RAPGEF6: variants seen among roughly 807,000 people sequenced by gnomAD.
The protein encoded by RAPGEF6 is PDZ domain containing guanine nucleotide exchange factor (GEF) 2.
In RAPGEF6, 56 loss-of-function variants were observed where a neutral mutation model predicts 171.4. The observed-to-expected ratio is 0.33, with a 90% CI of 0.26 to 0.41. The LOEUF (loss-of-function observed/expected upper bound fraction) is 0.41. Among genes scored for constraint, RAPGEF6 ranks in the 10% least tolerant of loss-of-function variants. The probability of loss-of-function intolerance (pLI) is 1.00; values close to 1 mark genes in which losing one functional copy is unlikely to be tolerated. For synonymous variants in RAPGEF6, 692 were observed against 650.1 expected, an observed-to-expected ratio of 1.06 and a Z score of -0.98; for missense variants, 1,674 against 1,921.4, an observed-to-expected ratio of 0.87 and a Z score of 2.41.
intron 1 of RAPGEF6, among the ~76,000 whole-genome samples, chr5:131,608,374 C>T (rs535488298): frequency 6.6e-6 from 1 of 152,318 alleles, no homozygotes; most frequent in Admixed American, 6.5e-5. Context: ...AAAAAGACTA[C>T]TTTACAAATA....
At chr5:131,542,023 T>A (rs1580996999) in intron 6 of RAPGEF6, among the ~76,000 whole-genome samples, 1 of 152,310 alleles carries the variant, frequency 6.6e-6, no homozygotes, top group East Asian at 1.9e-4. Flanking sequence ...TTGTAACTAC[T>A]TTTATCTTTC....
Position 131,433,582 on chromosome 5 carries a change from G to A in RAPGEF6, c.3822C>T (p.Ser1274=). The A allele has an allele frequency of 6.2e-7, 1 of 1,613,664 alleles. No individual in the cohort carries two copies. The highest frequency in any genetic ancestry group is 8.5e-7 in the Non-Finnish European group (1 of 1,179,588). ...SSHSEISSRS[S]IVSNCSVDSM... ...AGTCAACAGAACAATTGCTCACGAT[G>A]CTGGACCGTGAAGAAATCTCACTAT... The change falls in exon 25 of 28, where the codon AGC becomes AGT. Residue 1274 remains serine, a synonymous_variant. Coordinates refer to ENST00000509018, the MANE Select transcript of RAPGEF6 (RefSeq NM_016340.6).
chr5:131,573,368 T>G (rs1762421978), intron 4 of RAPGEF6, among the ~76,000 whole-genome samples: 1 of 152,062 alleles, frequency 6.6e-6, no homozygotes, highest in Non-Finnish European at 1.5e-5. Context: ...CTTTCCCAAA[T>G]CAGCCAGCGT....
chr5:131,472,079 T>TC (rs1754781134), intron 17 of RAPGEF6: 1 of 154,360 alleles, frequency 6.5e-6, no homozygotes, highest in African/African-American at 2.4e-5. Context: ...CTTTTCTTTT[T>TC]TTTTTTTTTT....
At chr5:131,594,595 C>A (rs1433011300) in intron 3 of RAPGEF6, among the ~76,000 whole-genome samples, 1 of 152,164 alleles carries the variant, frequency 6.6e-6, no homozygotes, top group Non-Finnish European at 1.5e-5. Flanking sequence ...AATGGTAGAA[C>A]CACAGTTTGC....
chr5:131,494,746 T>A (rs1756514064), intron 13 of RAPGEF6, among the ~76,000 whole-genome samples: 2 of 148,334 alleles, frequency 1.3e-5, no homozygotes, highest in African/African-American at 5.0e-5. Flanking sequence ...AAACTAGAAC[T>A]AGGGTCAGTG....
At chr5:131,438,685 G>A (rs1752183647) in intron 24 of RAPGEF6, among the ~76,000 whole-genome samples, 1 of 152,134 alleles carries the variant, frequency 6.6e-6, no homozygotes, top group African/African-American at 2.4e-5. Context: ...GGCATCTGCT[G>A]CACACTGCCC....
chr5:131,504,480 A>T, intron 11 of RAPGEF6, 146 bp downstream of exon 11: 1 of 860,064 alleles, frequency 1.2e-6, no homozygotes, highest in Non-Finnish European at 1.7e-6. Context: ...AAAAAATTTT[A>T]GAGAAAGACA....
At chr5:131,504,597 T>C in intron 11 of RAPGEF6, 29 bp downstream of exon 11, 1 of 1,538,568 alleles carries the variant, frequency 6.5e-7, no homozygotes, top group Non-Finnish European at 8.7e-7. Context: ...ATAAAATCAG[T>C]GACTAGAAAA....
intron 17 of RAPGEF6, chr5:131,472,218 C>T (rs763423349): frequency 2.8e-5 from 9 of 317,500 alleles, no homozygotes; most frequent in Admixed American, 8.3e-5. Flanking sequence ...ACTACAGGCA[C>T]CCACCATCAC....
At chr5:131,482,274 GTA>G (rs914898336) in intron 15 of RAPGEF6, among the ~76,000 whole-genome samples, 8 of 61,264 alleles carry the variant, frequency 1.3e-4, no homozygotes, top group African/African-American at 4.7e-4. Flanking sequence ...ACACGTGTGT[GTA>G]TGTGTGTGTG....
chr5:131,531,957 T>TA (rs3836730), intron 6 of RAPGEF6: 175,948 of 276,538 alleles, frequency 0.64, 56,700 homozygotes, highest in Non-Finnish European at 0.72. Flanking sequence ...ATATTTAAAT[T>TA]AAAAAAAAAT....
intron 14 of RAPGEF6, among the ~76,000 whole-genome samples, chr5:131,491,007 A>G (rs1177612950): frequency 6.6e-6 from 1 of 152,252 alleles, no homozygotes; most frequent in Non-Finnish European, 1.5e-5. Context: ...GGGAAGATTG[A>G]AGGAAGAAGT....
At chr5:131,573,807 T>C (rs1193569289) in intron 4 of RAPGEF6, among the ~76,000 whole-genome samples, 2 of 152,144 alleles carry the variant, frequency 1.3e-5, no homozygotes, top group African/African-American at 4.8e-5. Context: ...GCAGCTACCC[T>C]TAGACACTTT....
intron 6 of RAPGEF6, among the ~76,000 whole-genome samples, chr5:131,524,788 G>C (rs1230135470): frequency 1.3e-5 from 2 of 152,122 alleles, no homozygotes; most frequent in Non-Finnish European, 2.9e-5. Flanking sequence ...GCTAATTTCT[G>C]TATTTTTAGT....
At chr5:131,574,617 CCTT>C (rs1243481406) in intron 4 of RAPGEF6, among the ~76,000 whole-genome samples, 1 of 152,066 alleles carries the variant, frequency 6.6e-6, no homozygotes, top group Non-Finnish European at 1.5e-5. Context: ...TGCCCAGTTC[CCTT>C]ATTAGGCCGA....
intron 17 of RAPGEF6, among the ~76,000 whole-genome samples, chr5:131,466,451 G>C (rs2149840219): frequency 6.6e-6 from 1 of 152,260 alleles, no homozygotes; most frequent in South Asian, 2.1e-4. Context: ...TGAAAGGTTT[G>C]GCTGTGTCCC....
chr5:131,436,093 C>T, intron 24 of RAPGEF6: 3 of 1,537,928 alleles, frequency 2.0e-6, no homozygotes, highest in Non-Finnish European at 2.6e-6. Flanking sequence ...TTTCTCACAG[C>T]TTTCTGTAGC....
chr5:131,624,256 C>G (rs1233538079), intron 1 of RAPGEF6, among the ~76,000 whole-genome samples: 2 of 152,182 alleles, frequency 1.3e-5, no homozygotes, highest in Non-Finnish European at 2.9e-5. Flanking sequence ...ATTCTCAGAA[C>G]TGGAGTCCAG....
Sources: allele counts gnomAD v4.1 joint callset (sites outside exome capture counted in the v4.1 genomes callset), GRCh38; gene constraint gnomAD v4.1.1; transcripts MANE v1.5; gene names NCBI Gene and HGNC (gene_info 2026-07-23, HGNC 2026-07-21).